EFCAB11: variants seen among roughly 807,000 people sequenced by gnomAD.
EFCAB11 encodes EF-hand calcium binding domain 11.
In EFCAB11, 14 loss-of-function variants were observed where a neutral mutation model predicts 23.0. That is an observed-to-expected ratio of 0.61 (90% CI 0.40 to 0.95). The LOEUF (loss-of-function observed/expected upper bound fraction) is 0.95. Among genes scored for constraint, EFCAB11 ranks in the 40% least tolerant of loss-of-function variants. The probability of loss-of-function intolerance (pLI) is 0.00; values close to 1 mark genes in which losing one functional copy is unlikely to be tolerated. For synonymous variants in EFCAB11, 65 were observed against 66.6 expected (o/e 0.98, Z 0.11); for missense variants, 198 against 195.8 (o/e 1.01, Z -0.07).
At chr14:89,807,736 C>T (rs1213428490) in intron 5 of EFCAB11, among the ~76,000 whole-genome samples, 2 of 152,028 alleles carry the variant, frequency 1.3e-5, no homozygotes, top group East Asian at 3.8e-4. Context: ...TTTAATAATA[C>T]ATGATAGAAG....
At chr14:89,827,968 G>A (rs1453549586) in intron 5 of EFCAB11, among the ~76,000 whole-genome samples, 1 of 152,070 alleles carries the variant, frequency 6.6e-6, no homozygotes, top group South Asian at 2.1e-4. Context: ...TCATATAAAC[G>A]TTTTCATGAT....
At chr14:89,942,067 A>G (rs528021002) in intron 3 of EFCAB11, among the ~76,000 whole-genome samples, 57 of 152,222 alleles carry the variant, frequency 3.7e-4, no homozygotes, top group African/African-American at 1.3e-3. Flanking sequence ...TCCTGCCACC[A>G]TGGGAAGAAG....
intron 5 of EFCAB11, among the ~76,000 whole-genome samples, chr14:89,829,020 A>T (rs1208188863): frequency 6.6e-6 from 1 of 152,220 alleles, no homozygotes; most frequent in Non-Finnish European, 1.5e-5. Flanking sequence ...TTGCACTCAC[A>T]TTCCTGTTTA....
chr14:89,825,818 G>A lies in EFCAB11; in HGVS notation c.411-28494C>T, dbSNP rs74824690. On this transcript the variant is annotated intron_variant, in intron 5 of 5. Coordinates refer to ENST00000316738, the MANE Select transcript of EFCAB11 (RefSeq NM_145231.4). ...CAAGTATGGCCATATGTCAAAATGT[G>A]TTAAATTTTGCTGGCAGCTATCTGG... Among the ~76,000 whole-genome samples, 1,249 of 152,260 alleles carry A rather than the reference G, an allele frequency of 8.2e-3. 22 individuals are homozygous for A. The highest frequency in any genetic ancestry group is 0.029 in the African/African-American group (1,198 of 41,562).
chr14:89,950,214 A>G lies in EFCAB11; in HGVS notation c.172-72T>C. On this transcript the variant is annotated intron_variant, in intron 2 of 5. Transcript: ENST00000316738. ...TCACAGTGCAAGTTCTTAATTCTTC[A>G]GGTGGGAATAAGGATCTATTTTATG... The G allele has an allele frequency of 4.2e-6, 6 of 1,442,380 alleles. No homozygotes were observed. In the South Asian group the frequency reaches 7.7e-5, roughly 18 times the overall value. 89.3% of individuals were successfully genotyped at this position (1,442,380 alleles called of 1,614,324 possible).
At chr14:89,910,406 TG>T (rs1394165058) in intron 5 of EFCAB11, among the ~76,000 whole-genome samples, 1 of 152,178 alleles carries the variant, frequency 6.6e-6, no homozygotes, top group African/African-American at 2.4e-5. Flanking sequence ...GAGACCAGCC[TG>T]GCCAACATGG....
chr14:89,841,760 G>A (rs965733818), intron 5 of EFCAB11, among the ~76,000 whole-genome samples: 1 of 151,986 alleles, frequency 6.6e-6, no homozygotes, highest in Admixed American at 6.6e-5. Context: ...TTATCCCTTA[G>A]ATGTTGGTAC....
intron 3 of EFCAB11, among the ~76,000 whole-genome samples, chr14:89,940,197 A>G (rs1159584237): frequency 6.6e-6 from 1 of 152,248 alleles, no homozygotes; most frequent in Non-Finnish European, 1.5e-5. Flanking sequence ...TGCTACGATT[A>G]TAATTTCAAA....
chr14:89,827,628 CTTTT>C (rs36007256), intron 5 of EFCAB11, among the ~76,000 whole-genome samples: 7 of 105,112 alleles, frequency 6.7e-5, no homozygotes, highest in Admixed American at 2.3e-4. Flanking sequence ...TTTATTCACT[CTTTT>C]TTTTTTTTTT....
chr14:89,805,144 C>T (rs1010305362), intron 5 of EFCAB11, among the ~76,000 whole-genome samples: 17 of 152,212 alleles, frequency 1.1e-4, no homozygotes, highest in African/African-American at 3.4e-4. Context: ...CATTAGCACT[C>T]GGCTCAGCCT....
chr14:89,913,079 C>T (rs1889731071), intron 5 of EFCAB11, among the ~76,000 whole-genome samples: 1 of 152,176 alleles, frequency 6.6e-6, no homozygotes. Flanking sequence ...TAGCAAGAAA[C>T]GAGAAGCAGG....
chr14:89,882,157 G>A (rs936666823), intron 5 of EFCAB11, among the ~76,000 whole-genome samples: 9 of 152,184 alleles, frequency 5.9e-5, no homozygotes, highest in African/African-American at 1.7e-4. Context: ...TTGCCTGAGT[G>A]TTGAAAAACT....
chr14:89,939,145 G>A (rs1470039281), intron 3 of EFCAB11, among the ~76,000 whole-genome samples: 2 of 151,990 alleles, frequency 1.3e-5, no homozygotes, highest in African/African-American at 4.8e-5. Flanking sequence ...ACCTTATTCT[G>A]GACTTTAAAG....
chr14:89,819,969 G>T (rs941859999), intron 5 of EFCAB11, among the ~76,000 whole-genome samples: 2 of 151,990 alleles, frequency 1.3e-5, no homozygotes, highest in African/African-American at 2.4e-5. Flanking sequence ...CCAACAATAG[G>T]AATATGACTC....
intron 5 of EFCAB11, among the ~76,000 whole-genome samples, chr14:89,800,178 C>T (rs1250624296): frequency 2.8e-5 from 4 of 140,588 alleles, no homozygotes; most frequent in African/African-American, 8.1e-5. Context: ...AAGAGCAAAA[C>T]TCAATCTCGT....
At chr14:89,827,354 TGAGG>T (rs1278317215) in intron 5 of EFCAB11, among the ~76,000 whole-genome samples, 1 of 151,574 alleles carries the variant, frequency 6.6e-6, no homozygotes, top group Non-Finnish European at 1.5e-5. Context: ...ACAACTGGAG[TGAGG>T]AACTGTTATA....
intron 5 of EFCAB11, among the ~76,000 whole-genome samples, chr14:89,813,625 C>T (rs561893261): frequency 1.3e-5 from 2 of 152,194 alleles, no homozygotes; most frequent in African/African-American, 2.4e-5. Context: ...TCCTCCCAAC[C>T]GTCCACCTCC....
chr14:89,859,879 C>T (rs1212372441), intron 5 of EFCAB11, among the ~76,000 whole-genome samples: 1 of 152,108 alleles, frequency 6.6e-6, no homozygotes, highest in African/African-American at 2.4e-5. Context: ...TATAGTATAG[C>T]CATGCATTCT....
At chr14:89,840,189 A>G (rs1350448077) in intron 5 of EFCAB11, among the ~76,000 whole-genome samples, 1 of 152,270 alleles carries the variant, frequency 6.6e-6, no homozygotes, top group Non-Finnish European at 1.5e-5. Context: ...AAACTGCAAT[A>G]TGACATTAAA....
Sources: gnomAD v4.1 joint callset for allele counts (sites outside exome capture counted in the v4.1 genomes callset) on GRCh38, gnomAD v4.1.1 for gene constraint, MANE v1.5 for transcripts, NCBI Gene and HGNC (gene_info 2026-07-23, HGNC 2026-07-21) for gene names.